NELL1: variants seen among roughly 807,000 people sequenced by gnomAD.
NELL1 encodes protein kinase C-binding protein NELL1.
A neutral mutation model predicts 107.4 loss-of-function variants in NELL1; 76 were observed. That is an observed-to-expected ratio of 0.71 (90% CI 0.59 to 0.86). The LOEUF (loss-of-function observed/expected upper bound fraction) is 0.86. Among genes scored for constraint, NELL1 ranks in the 40% least tolerant of loss-of-function variants. The pLI, the probability that NELL1 is intolerant of heterozygous loss-of-function variation, is 0.00. For missense variants in NELL1, 1,024 were observed against 1,005.5 expected, an observed-to-expected ratio of 1.02 and a Z score of -0.25; for synonymous variants, 353 against 341.2, an observed-to-expected ratio of 1.03 and a Z score of -0.38.
chr11:21,181,241 C>T (rs989777105), intron 13 of NELL1, among the ~76,000 whole-genome samples: 2 of 151,812 alleles, frequency 1.3e-5, no homozygotes, highest in Admixed American at 6.6e-5. Flanking sequence ...ATGAAATATT[C>T]AGGTTTAGGT....
intron 15 of NELL1, among the ~76,000 whole-genome samples, chr11:21,392,218 G>T (rs1199755994): frequency 6.6e-6 from 1 of 151,776 alleles, no homozygotes; most frequent in Non-Finnish European, 1.5e-5. Context: ...CAGTAGCCTG[G>T]CTGGGGTAAG....
intron 3 of NELL1, among the ~76,000 whole-genome samples, chr11:20,800,559 T>C (rs1857261911): frequency 6.6e-6 from 1 of 152,204 alleles, no homozygotes; most frequent in African/African-American, 2.4e-5. Context: ...TTTTTGCTTG[T>C]TGATGTATTT....
chr11:21,566,475 A>G (rs1053645529), intron 17 of NELL1, among the ~76,000 whole-genome samples: 1 of 151,898 alleles, frequency 6.6e-6, no homozygotes, highest in African/African-American at 2.4e-5. Context: ...CAGATAGGAA[A>G]CTTTATTTCC....
At chr11:21,509,913 T>G (rs181204261) in intron 15 of NELL1, among the ~76,000 whole-genome samples, 1 of 152,192 alleles carries the variant, frequency 6.6e-6, no homozygotes, top group African/African-American at 2.4e-5. Flanking sequence ...TGATGATGAT[T>G]AAAATTAATC....
intron 4 of NELL1, among the ~76,000 whole-genome samples, chr11:20,876,101 C>G (rs1217069135): frequency 6.6e-6 from 1 of 152,172 alleles, no homozygotes; most frequent in Non-Finnish European, 1.5e-5. Context: ...TGTGCCTTCT[C>G]TTTTTTGTTT....
intron 2 of NELL1, among the ~76,000 whole-genome samples, chr11:20,690,508 C>T (rs1384029399): frequency 6.7e-6 from 1 of 150,002 alleles, no homozygotes; most frequent in Non-Finnish European, 1.5e-5. Flanking sequence ...TATGGCTAGC[C>T]AGTTTTCCCA....
At chr11:20,998,441 T>C (rs1852139490) in intron 12 of NELL1, among the ~76,000 whole-genome samples, 1 of 152,228 alleles carries the variant, frequency 6.6e-6, no homozygotes, top group East Asian at 1.9e-4. Flanking sequence ...TGCTAAGATA[T>C]ATTTTTGTAC....
At chr11:21,062,618 AC>A (rs1233010844) in intron 12 of NELL1, among the ~76,000 whole-genome samples, 1 of 152,250 alleles carries the variant, frequency 6.6e-6, no homozygotes, top group African/African-American at 2.4e-5. Flanking sequence ...CAGTTCTGGC[AC>A]TAACCCCCTG....
chr11:21,382,406 T>C (rs942404145), intron 15 of NELL1, among the ~76,000 whole-genome samples: 1 of 151,974 alleles, frequency 6.6e-6, no homozygotes, highest in Non-Finnish European at 1.5e-5. Flanking sequence ...TTTTATATCT[T>C]GTTACATTAC....
chr11:21,468,182 TA>T (rs1286861063), intron 15 of NELL1, among the ~76,000 whole-genome samples: 3 of 152,120 alleles, frequency 2.0e-5, no homozygotes, highest in African/African-American at 7.2e-5. Flanking sequence ...GATATTTTGC[TA>T]CCATCAATGG....
intron 14 of NELL1, among the ~76,000 whole-genome samples, chr11:21,253,693 G>T (rs1858695828): frequency 6.6e-6 from 1 of 152,036 alleles, no homozygotes; most frequent in Non-Finnish European, 1.5e-5. Context: ...AGACAAATTG[G>T]GATAGAACAT....
rs1218990972 is a variant in NELL1 at position 21,113,621 on chromosome 11, T to C, written c.1333T>C (p.Cys445Arg). 1 of 1,612,226 alleles carries C rather than the reference T, an allele frequency of 6.2e-7. No individual in the cohort carries two copies. Among genetic ancestry groups the C allele is most frequent in the East Asian group, 2.2e-5 (1 of 44,828 alleles). Residue 445 changes from cysteine to arginine, a missense_variant, in exon 13 of 20, where the codon TGT becomes CGT. Transcript: ENST00000357134. ...IDECAAKMHY[C>R]HANTVCVNLP... is the part of the protein sequence containing the mutation. ...TGAGTGTGCAGCTAAGATGCATTACTGTCATGCCAATACTGTGTGTGTCAA... is the reference window on the plus strand; with the variant it reads ...TGAGTGTGCAGCTAAGATGCATTACCGTCATGCCAATACTGTGTGTGTCAA...
At chr11:21,489,622 G>T (rs1227370077) in intron 15 of NELL1, among the ~76,000 whole-genome samples, 2 of 152,094 alleles carry the variant, frequency 1.3e-5, no homozygotes, top group East Asian at 1.9e-4. Flanking sequence ...TTTACACCAG[G>T]ACTGCAAGGA....
At chr11:20,728,521 A>G (rs1056324158) in intron 2 of NELL1, among the ~76,000 whole-genome samples, 2 of 151,996 alleles carry the variant, frequency 1.3e-5, no homozygotes, top group African/African-American at 4.8e-5. Flanking sequence ...TTCATTCTGC[A>G]TGTGGCTAGT....
chr11:20,863,128 T>C (rs1849011476), intron 4 of NELL1, among the ~76,000 whole-genome samples: 2 of 152,066 alleles, frequency 1.3e-5, no homozygotes, highest in East Asian at 1.9e-4. Context: ...ACCTCCTAGA[T>C]GGGGTGGTGG....
chr11:21,007,422 C>T (rs1036718266), intron 12 of NELL1, among the ~76,000 whole-genome samples: 22 of 152,120 alleles, frequency 1.4e-4, no homozygotes, highest in African/African-American at 5.3e-4. Context: ...CAGACAGACA[C>T]GCACATCAGG....
chr11:20,687,622 T>C (rs892318160), intron 2 of NELL1, among the ~76,000 whole-genome samples: 2 of 151,980 alleles, frequency 1.3e-5, no homozygotes, highest in African/African-American at 4.8e-5. Flanking sequence ...GTGACAGTTT[T>C]GCTCTGTCAC....
chr11:20,977,360 G>T (rs565663879), intron 12 of NELL1, among the ~76,000 whole-genome samples: 1 of 151,602 alleles, frequency 6.6e-6, no homozygotes, highest in South Asian at 2.1e-4. Flanking sequence ...CGCCTCTCGG[G>T]TTCACACCAT....
chr11:21,285,535 C>G (rs1194907616), intron 14 of NELL1, among the ~76,000 whole-genome samples: 1 of 152,194 alleles, frequency 6.6e-6, no homozygotes. Context: ...TTATTTATGA[C>G]CTTTACGTTA....
Sources: allele counts gnomAD v4.1 joint callset (sites outside exome capture counted in the v4.1 genomes callset), GRCh38; gene constraint gnomAD v4.1.1; transcripts MANE v1.5; gene names NCBI Gene and HGNC (gene_info 2026-07-23, HGNC 2026-07-21).